PRF1: variants seen among roughly 807,000 people sequenced by gnomAD.
PRF1 encodes the protein perforin 1, also known as perforin-1.
In PRF1, 11 loss-of-function variants were observed where a neutral mutation model predicts 11.7. The ratio of observed to expected loss-of-function variants is 0.94; its 90% CI spans 0.59 to 1.56. PRF1 has a LOEUF of 1.56. Among genes scored for constraint, PRF1 ranks in the 40% most tolerant of loss-of-function variants. The pLI, the probability that PRF1 is intolerant of heterozygous loss-of-function variation, is 0.00. For synonymous variants in PRF1, 314 were observed against 327.8 expected (o/e 0.96, Z 0.45); for missense variants, 729 against 751.0 (o/e 0.97, Z 0.34).
rs1428934503 is a variant in PRF1, at chr10:70,598,019, C to T, written c.*34G>A. On this transcript the variant is annotated 3_prime_UTR_variant, in exon 3 of 3. Transcript: ENST00000441259. ...CTCCCACTGTGAGAACCCCTTCAGT[C>T]CAAGCATACTGGTCCTTTCCAAGCT... 1 of 1,608,382 alleles carries T rather than the reference C, an allele frequency of 6.2e-7. No individual in the cohort carries two copies. The highest frequency in any genetic ancestry group is 1.7e-5 in the Admixed American group (1 of 60,022).
rs140956842 is a variant in PRF1, at chr10:70,598,007, A to G, written c.*46T>C. The G allele has an allele frequency of 3.1e-3, 5,024 of 1,603,938 alleles. 12 individuals are homozygous for G. The highest frequency in any genetic ancestry group is 5.3e-3 in the Middle Eastern group (30 of 5,644). ...AGACAGCCCTGGCTCCCACTGTGAG[A>G]ACCCCTTCAGTCCAAGCATACTGGT... On this transcript the variant is annotated 3_prime_UTR_variant, in exon 3 of 3. Coordinates refer to ENST00000441259, the MANE Select transcript of PRF1 (RefSeq NM_001083116.3).
At position 70,600,001 on chromosome 10, in the gene PRF1, C is replaced by T. The variant is rs942530967; in HGVS notation, c.539+363G>A. 1.3e-5 allele frequency among the ~76,000 whole-genome samples: 2 copies of T among 152,188 alleles called. No individual in the cohort carries two copies. The highest frequency in any genetic ancestry group is 1.5e-5 in the Non-Finnish European group (1 of 68,032). On this transcript the variant is annotated intron_variant, in intron 2 of 2. Transcript: ENST00000441259. This position sits in a 1 kb window ranked among gnomAD's most constrained non-coding sequence, Gnocchi z 4.9. ...CACACAGCGATGAGGAAGGATGACC[C>T]GGCCAGGTCTCCTGCCTCTGTCCCT... is the stretch of plus-strand genomic sequence containing the variant.
At position 70,597,979 on chromosome 10, in the gene PRF1, C is replaced by A; in HGVS notation, c.*74G>T. ...GGACAAGCTTGGTCTAATGGGAATA[C>A]GAAGACAGCCCTGGCTCCCACTGTG... is the stretch of plus-strand genomic sequence containing the variant. On this transcript the variant is annotated 3_prime_UTR_variant, in exon 3 of 3. Coordinates refer to ENST00000441259, the MANE Select transcript of PRF1 (RefSeq NM_001083116.3). 6.3e-7 allele frequency: 1 copy of A among 1,578,374 alleles called. No homozygotes were observed. Among genetic ancestry groups the A allele is most frequent in the Non-Finnish European group, 8.6e-7 (1 of 1,163,352 alleles).
Position 70,600,848 on chromosome 10 carries a change from C to T in PRF1, c.55G>A (p.Val19Ile), listed in dbSNP as rs772896823. The T allele has an allele frequency of 2.4e-5, 39 of 1,610,224 alleles. No homozygotes were observed. Among genetic ancestry groups the T allele is most frequent in the East Asian group, 4.5e-5 (2 of 44,742 alleles). ...GCGGCTGTGTGGCACGGGGCAGGGA[C>T]GGGCAGGGGCAGCAGCAGGAGAAGG... ...GILLLLLPLP[V>I]PAPCHTAARS... Residue 19 changes from valine to isoleucine, a missense_variant, in exon 2 of 3, where the codon GTC (valine) becomes ATC (isoleucine). Transcript: ENST00000441259. This position sits in a 1 kb window ranked among gnomAD's most constrained non-coding sequence, Gnocchi z 4.9.
rs1446566372 is a variant in PRF1, at chr10:70,597,894, T to C, written c.*159A>G. The stretch of plus-strand genomic sequence containing the variant: ...GAAACTCATAATGTTTTAAGAAAGT[T>C]TGCGAATTTGCGTTGGGCCGCATTC... On this transcript the variant is annotated 3_prime_UTR_variant, in exon 3 of 3. Coordinates refer to ENST00000441259, the MANE Select transcript of PRF1 (RefSeq NM_001083116.3). The C allele has an allele frequency of 4.7e-6, 4 of 843,302 alleles. No homozygotes were observed. The East Asian group carries it at 8.0e-5, about 17-fold the overall frequency. The allele number at this position is 843,302 out of a possible 1,614,324, so 52.2% of individuals were successfully genotyped here. A position where few individuals can be genotyped will look rare whatever the true frequency, so the allele number is the denominator to read the frequency against.
chr10:70,599,794 A>T (rs1275351990), intron 2 of PRF1, among the ~76,000 whole-genome samples: 1 of 152,118 alleles, frequency 6.6e-6, no homozygotes, highest in East Asian at 1.9e-4. Flanking sequence ...AGACCAGGTG[A>T]CTTGGGTCTG....
intron 1 of PRF1, among the ~76,000 whole-genome samples, chr10:70,601,424 C>T (rs1053167186): frequency 6.6e-6 from 1 of 152,168 alleles, no homozygotes; most frequent in African/African-American, 2.4e-5. Flanking sequence ...GAGCCCTTAA[C>T]AGAATTGGAA....
At position 70,600,831 on chromosome 10, in the gene PRF1, G is replaced by T. The variant is rs1848220444; in HGVS notation, c.72C>A (p.His24Gln). The T allele has an allele frequency of 6.2e-7, 1 of 1,612,622 alleles. No homozygotes were observed. The highest frequency in any genetic ancestry group is 8.5e-7 in the Non-Finnish European group (1 of 1,179,568). ...GCTTGCACTCTGAGCGTGCGGCTGT[G>T]TGGCACGGGGCAGGGACGGGCAGGG... ...LLPLPVPAPCHTAARSECKRS... is the reference protein window; with the variant it reads ...LLPLPVPAPCQTAARSECKRS... Residue 24 changes from histidine (H) to glutamine (Q), a missense_variant, in exon 2 of 3, where the codon CAC becomes CAA. Coordinates refer to ENST00000441259, the MANE Select transcript of PRF1 (RefSeq NM_001083116.3). The surrounding 1 kb of genome is among the most constrained non-coding windows in gnomAD (Gnocchi z 4.9).
At chr10:70,599,486 ATG>A (rs1360856332) in intron 2 of PRF1, among the ~76,000 whole-genome samples, 1 of 152,156 alleles carries the variant, frequency 6.6e-6, no homozygotes, top group South Asian at 2.1e-4. Flanking sequence ...GCAGTGGTTC[ATG>A]CCTGTAACCC....
rs1336560603 is a variant in PRF1, at chr10:70,597,929, C to T, written c.*124G>A. 1 of 1,280,594 alleles carries T rather than the reference C, an allele frequency of 7.8e-7. No homozygotes were observed. The highest frequency in any genetic ancestry group is 2.5e-5 in the East Asian group (1 of 40,516). 79.3% of individuals were successfully genotyped at this position (1,280,594 alleles called of 1,614,324 possible). A position where few individuals can be genotyped will look rare whatever the true frequency, so the allele number is the denominator to read the frequency against. On this transcript the variant is annotated 3_prime_UTR_variant, in exon 3 of 3. Coordinates refer to ENST00000441259, the MANE Select transcript of PRF1 (RefSeq NM_001083116.3). ...GCGTTGGGCCGCATTCAAAGCCATC[C>T]TGGGCCGCATGCGGGCCTCGGGTTG...
Position 70,598,824 on chromosome 10 carries a change from G to A in PRF1, c.897C>T (p.Arg299=). 6.2e-7 allele frequency: 1 copy of A among 1,614,234 alleles called. No individual in the cohort carries two copies. ...GATGGCCGCCAACCACTTCCGAGTG[G>A]CGCTCCCGGTAGGTTTGGTGGAAGG... is the stretch of plus-strand genomic sequence containing the variant. ...TASFHQTYRE[R]HSEVVGGHHT... Residue 299 remains arginine (R), a synonymous_variant, in exon 3 of 3, where the codon CGC becomes CGT. Transcript: ENST00000441259.
Position 70,600,427 on chromosome 10 carries a change from G to C in PRF1, c.476C>G (p.Ala159Gly), listed in dbSNP as rs576356569. The C allele has an allele frequency of 6.2e-6, 10 of 1,614,196 alleles. No homozygotes were observed. In the South Asian group the frequency reaches 8.8e-5, roughly 14 times the overall value. ...GTACTGGTCCTGGTGGGTCTTCTGG[G>C]CTGCAAAGTTGGCTGCCTGTGAGTG... ...GSHSQAANFA[A>G]QKTHQDQYSF... The change falls in exon 2 of 3, where the codon GCC becomes GGC. Residue 159 changes from alanine (A) to glycine (G), a missense_variant. Ala to Gly is a moderately conservative substitution (Grantham distance 60). Transcript: ENST00000441259. The surrounding 1 kb of genome is among the most constrained non-coding windows in gnomAD (Gnocchi z 4.9).
In PRF1 at chr10:70,598,141, G is replaced by C. The variant is rs1301765853; in HGVS notation, c.1580C>G (p.Pro527Arg). Residue 527 changes from proline (P) to arginine (R), a missense_variant, in exon 3 of 3, where the codon CCC (proline) becomes CGC (arginine). Physicochemically the swap from Pro to Arg is moderately radical, Grantham distance 103 (BLOSUM62 -2). Coordinates refer to ENST00000441259, the MANE Select transcript of PRF1 (RefSeq NM_001083116.3). ...CAGGCAGGTGCCTCCTCCCAGGTGG[G>C]GCAAGCACCTGGCATGATAGCGGAA... ...LKFRYHARCL[P>R]HLGGGTCLDY... 4.3e-6 allele frequency: 7 copies of C among 1,614,132 alleles called. No individual in the cohort carries two copies. Among genetic ancestry groups the C allele is most frequent in the Non-Finnish European group, 5.9e-6 (7 of 1,180,030 alleles).
rs1421900619 is a variant in PRF1, at chr10:70,598,073, G to A, written c.1648C>T (p.Arg550Trp). ...TGTTCTCACCACACGGCCCCACTCC[G>A]GTTTCCTGGAGGCTCCCCCAGAAGC... Reference protein sequence around the residue: ...QMLLGEPPGNRSGAVW With the variant: ...QMLLGEPPGNWSGAVW Residue 550 changes from arginine (R) to tryptophan (W), a missense_variant, in exon 3 of 3, where the codon CGG becomes TGG. Physicochemically the swap from Arg to Trp is moderately radical, Grantham distance 101 (BLOSUM62 -3). Transcript: ENST00000441259. 2.5e-6 allele frequency: 4 copies of A among 1,613,618 alleles called. No individual in the cohort carries two copies. The highest frequency in any genetic ancestry group is 3.3e-5 in the Admixed American group (2 of 59,990).
At chr10:70,599,980 C>T (rs1374304030) in intron 2 of PRF1, among the ~76,000 whole-genome samples, 1 of 152,218 alleles carries the variant, frequency 6.6e-6, no homozygotes, top group African/African-American at 2.4e-5. Flanking sequence ...CAAGGTCACA[C>T]AGCGATGAGG....
rs141130900 is a variant in PRF1, at chr10:70,599,106, G to A, written c.615C>T (p.Asn205=). ...RALGDLPHHF[N]ASTQPAYLRL... ...TGAGGTAGGCGGGCTGGGTGGAGGC[G>A]TTGAAGTGGTGGGGCAGGTCCCCGA... The change falls in exon 3 of 3, where the codon AAC becomes AAT. Residue 205 remains asparagine (N), a synonymous_variant. Transcript: ENST00000441259. 237 of 1,614,156 alleles carry A rather than the reference G, an allele frequency of 1.5e-4. No individual in the cohort carries two copies. The African/African-American group carries it at 2.7e-3, about 18-fold the overall frequency.
Sources: allele counts gnomAD v4.1 joint callset (sites outside exome capture counted in the v4.1 genomes callset), GRCh38; gene constraint gnomAD v4.1.1; non-coding constraint Gnocchi (gnomAD v3.1); transcripts MANE v1.5; gene names NCBI Gene and HGNC (gene_info 2026-07-23, HGNC 2026-07-21).